FRMD5: variants seen among roughly 807,000 people sequenced by gnomAD.
FRMD5 encodes FERM domain-containing protein 5.
In FRMD5, 20 loss-of-function variants were observed where a neutral mutation model predicts 69.0. That is an observed-to-expected ratio of 0.29 (90% CI 0.20 to 0.42). FRMD5 has a LOEUF of 0.42. Among genes scored for constraint, FRMD5 ranks in the 10% least tolerant of loss-of-function variants. The pLI, the probability that FRMD5 is intolerant of heterozygous loss-of-function variation, is 1.00. For synonymous variants in FRMD5, 271 were observed against 260.1 expected, an observed-to-expected ratio of 1.04 and a Z score of -0.40; for missense variants, 595 against 708.6, an observed-to-expected ratio of 0.84 and a Z score of 1.82.
intron 1 of FRMD5, among the ~76,000 whole-genome samples, chr15:44,016,668 A>G (rs1890972427): frequency 6.6e-6 from 1 of 152,054 alleles, no homozygotes; most frequent in Non-Finnish European, 1.5e-5. Flanking sequence ...GGCTGCAGTG[A>G]GCCGAGATTA....
At chr15:44,192,681 A>G (rs937445981) in intron 1 of FRMD5, among the ~76,000 whole-genome samples, 50 of 152,334 alleles carry the variant, frequency 3.3e-4, no homozygotes, top group African/African-American at 1.2e-3. Flanking sequence ...ACATGCAGAA[A>G]ATGTTAATTT....
intron 1 of FRMD5, among the ~76,000 whole-genome samples, chr15:44,191,565 A>G (rs1180344635): frequency 6.6e-6 from 1 of 151,960 alleles, no homozygotes; most frequent in East Asian, 1.9e-4. Flanking sequence ...CAGCCTGGGC[A>G]ACAGAGCGAG....
At chr15:44,141,024 T>C (rs28425197) in intron 1 of FRMD5, among the ~76,000 whole-genome samples, 11,778 of 151,106 alleles carry the variant, frequency 0.078, 750 homozygotes, top group East Asian at 0.17. Context: ...GAAAATGTAA[T>C]TTTTTAAAAA....
intron 1 of FRMD5, among the ~76,000 whole-genome samples, chr15:43,949,054 G>T (rs923211741): frequency 5.9e-5 from 9 of 152,200 alleles, no homozygotes; most frequent in Admixed American, 5.2e-4. Context: ...AGACATACAG[G>T]CCAAAAGAAG....
chr15:44,185,287 T>TC (rs2078080067), intron 1 of FRMD5, among the ~76,000 whole-genome samples: 1 of 152,218 alleles, frequency 6.6e-6, no homozygotes, highest in Non-Finnish European at 1.5e-5. Flanking sequence ...TATCAGAGTT[T>TC]CACTGCTCAA....
intron 1 of FRMD5, among the ~76,000 whole-genome samples, chr15:44,189,940 G>A (rs957985656): frequency 6.6e-6 from 1 of 152,180 alleles, no homozygotes; most frequent in African/African-American, 2.4e-5. Context: ...GAATGGAGAT[G>A]CTTTAGTACC....
intron 13 of FRMD5, among the ~76,000 whole-genome samples, chr15:43,882,418 G>A (rs1262255273): frequency 6.6e-6 from 1 of 152,142 alleles, no homozygotes; most frequent in Non-Finnish European, 1.5e-5. Flanking sequence ...GAGTGCAGTG[G>A]CACGATCTCA....
intron 1 of FRMD5, among the ~76,000 whole-genome samples, chr15:44,042,789 G>A (rs553526480): frequency 2.0e-4 from 31 of 152,270 alleles, no homozygotes; most frequent in African/African-American, 7.0e-4. Flanking sequence ...AAAATAATAA[G>A]TGCTATTTCT....
chr15:43,885,858 G>GA, intron 10 of FRMD5, 103 bp from the exon 11 acceptor site: 2 of 888,704 alleles, frequency 2.3e-6, no homozygotes, highest in Non-Finnish European at 1.9e-6. Context: ...GAAACTTCAG[G>GA]AAAAAAGCCC....
At chr15:43,922,089 T>C (rs1595521810) in intron 2 of FRMD5, among the ~76,000 whole-genome samples, 1 of 152,248 alleles carries the variant, frequency 6.6e-6, no homozygotes, top group East Asian at 1.9e-4. Flanking sequence ...TCAGTTACTG[T>C]CTCAAGCCTC....
intron 1 of FRMD5, among the ~76,000 whole-genome samples, chr15:44,152,896 G>A (rs757310121): frequency 1.3e-4 from 20 of 150,392 alleles, no homozygotes; most frequent in Middle Eastern, 3.5e-3. Context: ...AAAAGTAAAC[G>A]GGCAAAGATC....
chr15:44,037,528 C>T (rs932003001), intron 1 of FRMD5, among the ~76,000 whole-genome samples: 26 of 146,118 alleles, frequency 1.8e-4, no homozygotes, highest in South Asian at 6.6e-4. Flanking sequence ...AGTGCAGTGG[C>T]GCAATCTCAG....
chr15:43,970,100 A>G (rs150977897), intron 1 of FRMD5, among the ~76,000 whole-genome samples: 3 of 152,364 alleles, frequency 2.0e-5, no homozygotes, highest in East Asian at 3.9e-4. Flanking sequence ...TTCAACTACT[A>G]TATTGTAATG....
At position 44,172,202 on chromosome 15, in the gene FRMD5, C is replaced by T. The variant is rs142999274; in HGVS notation, c.102+22751G>A. ...ACCTCCTGGGCTCAAGTGATCTTCCCACCTCAGCCTCCTGAGTAGCTGGGA... is the reference window on the plus strand; with the variant it reads ...ACCTCCTGGGCTCAAGTGATCTTCCTACCTCAGCCTCCTGAGTAGCTGGGA... On this transcript the variant is annotated intron_variant, in intron 1 of 13. Transcript: ENST00000417257. 3.9e-3 allele frequency among the ~76,000 whole-genome samples: 593 copies of T among 151,742 alleles called. 5 individuals are homozygous for T. The highest frequency in any genetic ancestry group is 0.013 in the African/African-American group (555 of 41,402).
At chr15:43,965,457 T>A (rs1303070302) in intron 1 of FRMD5, among the ~76,000 whole-genome samples, 1 of 152,080 alleles carries the variant, frequency 6.6e-6, no homozygotes, top group Admixed American at 6.6e-5. Context: ...GGATTTCACA[T>A]AGCTAATGTG....
At chr15:43,986,393 A>G (rs1316415169) in intron 1 of FRMD5, among the ~76,000 whole-genome samples, 1 of 152,246 alleles carries the variant, frequency 6.6e-6, no homozygotes, top group African/African-American at 2.4e-5. Context: ...TAACTGTGAG[A>G]TTATTGACAT....
At chr15:44,021,738 G>A (rs561228806) in intron 1 of FRMD5, among the ~76,000 whole-genome samples, 57 of 152,010 alleles carry the variant, frequency 3.7e-4, no homozygotes, top group African/African-American at 1.3e-3. Context: ...TGTTATGGTC[G>A]CTCCTCAAAA....
intron 1 of FRMD5, among the ~76,000 whole-genome samples, chr15:44,021,347 C>A (rs1891201286): frequency 6.6e-6 from 1 of 152,008 alleles, no homozygotes; most frequent in Non-Finnish European, 1.5e-5. Flanking sequence ...GCCTTAAAAC[C>A]AGCTCATAAA....
At chr15:43,888,696 G>C in intron 9 of FRMD5, 113 bp downstream of exon 9, 1 of 845,820 alleles carries the variant, frequency 1.2e-6, no homozygotes, top group Non-Finnish European at 2.0e-6. Context: ...CCTTGGTCTT[G>C]GCTTAGTATG....
Sources: allele counts gnomAD v4.1 joint callset (sites outside exome capture counted in the v4.1 genomes callset), GRCh38; gene constraint gnomAD v4.1.1; transcripts MANE v1.5; gene names NCBI Gene and HGNC (gene_info 2026-07-23, HGNC 2026-07-21).